CDIN1: variants seen among roughly 807,000 people sequenced by gnomAD.
The protein encoded by CDIN1 is CDAN1-interacting nuclease 1.
In CDIN1, 33 loss-of-function variants were observed where a neutral mutation model predicts 45.3. The ratio of observed to expected loss-of-function variants is 0.73; its 90% confidence interval spans 0.55 to 0.97. CDIN1 has a LOEUF of 0.97. Ranked by LOEUF, CDIN1 falls within the 50% of genes least tolerant of loss-of-function variation. CDIN1 has a pLI of 0.00. For synonymous variants in CDIN1, 118 were observed against 124.4 expected (o/e 0.95, Z 0.34); for missense variants, 303 against 339.4 (o/e 0.89, Z 0.84).
intron 1 of CDIN1, chr15:36,619,096 C>A: frequency 6.4e-6 from 7 of 1,095,702 alleles, no homozygotes; most frequent in Non-Finnish European, 8.0e-6. Context: ...AAATGAGAAG[C>A]CAGAAGCAAG....
chr15:36,585,714 A>G (rs997971069), intron 1 of CDIN1, among the ~76,000 whole-genome samples: 1 of 152,152 alleles, frequency 6.6e-6, no homozygotes, highest in East Asian at 1.9e-4. Context: ...TTATTTTTAA[A>G]TTCTGAAGCT....
chr15:36,625,213 A>G (rs1472957008), intron 1 of CDIN1, among the ~76,000 whole-genome samples: 1 of 151,968 alleles, frequency 6.6e-6, no homozygotes, highest in Non-Finnish European at 1.5e-5. Flanking sequence ...CCCGGGAGGC[A>G]GAGCTTGTAG....
rs2040784048 is a variant in CDIN1 at position 36,656,373 on chromosome 15, G to T, written c.274-1460G>T. On this transcript the variant is annotated intron_variant, in intron 4 of 10. Transcript: ENST00000566621. Reference sequence around the variant, plus strand: ...TTATTATCTTTTTGGGGGGCTAAGGGCTGTATGTGGTCATCATTGATTTTA... The same window carrying T: ...TTATTATCTTTTTGGGGGGCTAAGGTCTGTATGTGGTCATCATTGATTTTA... Among the ~76,000 whole-genome samples, 4 of 152,044 alleles carry T rather than the reference G, an allele frequency of 2.6e-5. No individual in the cohort carries two copies. The South Asian group carries it at 8.3e-4, about 32-fold the overall frequency.
At chr15:36,709,365 AGCTT>A in intron 9 of CDIN1, 77 bp downstream of exon 9, 7 of 1,085,524 alleles carry the variant, frequency 6.4e-6, no homozygotes, top group Non-Finnish European at 9.2e-6. Context: ...TGTTAATATT[AGCTT>A]TATAATATTA....
chr15:36,715,841 G>T (rs540040908), intron 10 of CDIN1, among the ~76,000 whole-genome samples: 1 of 152,278 alleles, frequency 6.6e-6, no homozygotes, highest in South Asian at 2.1e-4. Flanking sequence ...GATGAGGGAA[G>T]TGTTTTCTGT....
At chr15:36,724,922 G>A (rs2043566773) in intron 10 of CDIN1, among the ~76,000 whole-genome samples, 1 of 152,044 alleles carries the variant, frequency 6.6e-6, no homozygotes, top group South Asian at 2.1e-4. Flanking sequence ...GTACCAAAAT[G>A]TACGAACCTA....
chr15:36,713,722 C>G (rs1184933217), intron 10 of CDIN1, among the ~76,000 whole-genome samples: 1 of 152,118 alleles, frequency 6.6e-6, no homozygotes, highest in Non-Finnish European at 1.5e-5. Context: ...AGAAGTCTTC[C>G]GACTAGACAT....
chr15:36,645,147 A>G, intron 2 of CDIN1, 76 bp from the exon 3 acceptor site: 1 of 1,211,666 alleles, frequency 8.3e-7, no homozygotes, highest in Non-Finnish European at 1.2e-6. Flanking sequence ...GGCTCAAGAA[A>G]TAATGTCATT....
intron 10 of CDIN1, chr15:36,798,778 AAG>A (rs542238137): frequency 3.9e-5 from 6 of 152,194 alleles, no homozygotes; most frequent in Non-Finnish European, 5.9e-5. Flanking sequence ...CTACTTGAAA[AAG>A]ACATATTTTG....
At chr15:36,767,982 G>T (rs982954448) in intron 10 of CDIN1, among the ~76,000 whole-genome samples, 2 of 152,172 alleles carry the variant, frequency 1.3e-5, no homozygotes, top group Admixed American at 6.5e-5. Flanking sequence ...ACCTAAGGAA[G>T]AGAGGGCTGT....
intron 10 of CDIN1, among the ~76,000 whole-genome samples, chr15:36,722,955 T>TTGTGTGTGTGTG (rs5811929): frequency 3.3e-5 from 2 of 60,542 alleles, no homozygotes; most frequent in Admixed American, 1.8e-4. Context: ...TTACATTCAC[T>TTGTGTGTGTGTG]TGTGTGTGTG....
At chr15:36,692,019 G>A (rs2042269964) in intron 6 of CDIN1, 107 bp from the exon 7 acceptor site, 3 of 1,119,678 alleles carry the variant, frequency 2.7e-6, no homozygotes, top group Admixed American at 5.9e-5. Flanking sequence ...CTTTTTTTGG[G>A]GGGCGGGGGT....
chr15:36,583,964 T>C (rs898483337), intron 1 of CDIN1, among the ~76,000 whole-genome samples: 2 of 152,002 alleles, frequency 1.3e-5, no homozygotes, highest in African/African-American at 2.4e-5. Flanking sequence ...TGCAGTGAGC[T>C]GAGATGGCGC....
At chr15:36,773,430 G>A (rs549275108) in intron 10 of CDIN1, among the ~76,000 whole-genome samples, 5 of 152,326 alleles carry the variant, frequency 3.3e-5, no homozygotes, top group Admixed American at 2.6e-4. Flanking sequence ...AACTGAAATT[G>A]TAATTGTATT....
intron 1 of CDIN1, among the ~76,000 whole-genome samples, chr15:36,600,980 A>G (rs1215279039): frequency 6.6e-6 from 1 of 152,178 alleles, no homozygotes; most frequent in Admixed American, 6.5e-5. Context: ...GAGTGAGAGT[A>G]AATTTGTTTC....
intron 7 of CDIN1, among the ~76,000 whole-genome samples, chr15:36,694,879 A>C (rs1418839157): frequency 6.6e-6 from 1 of 152,266 alleles, no homozygotes; most frequent in Non-Finnish European, 1.5e-5. Context: ...ATTTATGTGG[A>C]ATAGAAGTAA....
chr15:36,584,430 T>C (rs2037195328), intron 1 of CDIN1, among the ~76,000 whole-genome samples: 1 of 152,202 alleles, frequency 6.6e-6, no homozygotes. Flanking sequence ...AGTTAGACTC[T>C]GTCTCTAAAA....
chr15:36,762,507 A>C (rs971994167), intron 10 of CDIN1, among the ~76,000 whole-genome samples: 12 of 151,884 alleles, frequency 7.9e-5, no homozygotes, highest in Non-Finnish European at 1.6e-4. Flanking sequence ...TGTTTGTTTT[A>C]TTATACTTTA....
intron 5 of CDIN1, among the ~76,000 whole-genome samples, chr15:36,675,069 C>T (rs1439264697): frequency 6.6e-6 from 1 of 152,074 alleles, no homozygotes; most frequent in East Asian, 1.9e-4. Flanking sequence ...CTGAAATACT[C>T]CAAGCTCAGG....
Sources: allele counts gnomAD v4.1 joint callset (sites outside exome capture counted in the v4.1 genomes callset), GRCh38; gene constraint gnomAD v4.1.1; transcripts MANE v1.5; gene names NCBI Gene and HGNC (gene_info 2026-07-23, HGNC 2026-07-21).